Variants in CAMTA1 observed in about 807,000 individuals in gnomAD.
CAMTA1 encodes the protein calmodulin-binding transcription activator 1.
CAMTA1 carries 27 observed loss-of-function variants against 170.9 expected under a neutral mutation model. The observed-to-expected ratio is 0.16, with a 90% confidence interval of 0.12 to 0.22. The LOEUF (loss-of-function observed/expected upper bound fraction) is 0.22, where lower values mean the gene tolerates loss of function less well. Among genes scored for constraint, CAMTA1 ranks in the 10% least tolerant of loss-of-function variants. The pLI, the probability that CAMTA1 is intolerant of heterozygous loss-of-function variation, is 1.00. For missense variants in CAMTA1, 1,619 were observed against 2,217.2 expected, an observed-to-expected ratio of 0.73 and a Z score of 5.42; for synonymous variants, 833 against 891.5, an observed-to-expected ratio of 0.93 and a Z score of 1.17.
At chr1:6,982,697 A>G (rs6703004) in intron 3 of CAMTA1, among the ~76,000 whole-genome samples, 61,066 of 151,976 alleles carry the variant, frequency 0.4, 13,038 homozygotes, top group African/African-American at 0.56. Flanking sequence ...CATGGCTTTA[A>G]GCTCCTCAGT....
chr1:7,270,286 TATATA>T (rs1669572103), intron 5 of CAMTA1, among the ~76,000 whole-genome samples: 11 of 122,320 alleles, frequency 9.0e-5, no homozygotes, highest in African/African-American at 3.4e-4. Flanking sequence ...TATATATATA[TATATA>T]TTTTTTTTTT....
intron 5 of CAMTA1, among the ~76,000 whole-genome samples, chr1:7,317,790 A>G (rs1483277477): frequency 1.3e-5 from 2 of 152,236 alleles, no homozygotes; most frequent in Non-Finnish European, 2.9e-5. Flanking sequence ...CATAAGTTTC[A>G]AAACTCTTTT....
chr1:7,688,099 C>A (rs1485102214), intron 11 of CAMTA1, among the ~76,000 whole-genome samples: 1 of 148,108 alleles, frequency 6.8e-6, no homozygotes, highest in Admixed American at 6.8e-5. Context: ...GCCTCTGCCT[C>A]CTGGGTTCAG....
intron 5 of CAMTA1, among the ~76,000 whole-genome samples, chr1:7,254,663 T>TA (rs61056446): frequency 0.12 from 17,281 of 148,314 alleles, 2,608 homozygotes; most frequent in African/African-American, 0.34. Context: ...AGGCCACATA[T>TA]AAAAAAAAAA....
In CAMTA1 at chr1:7,665,247, C is replaced by G; in HGVS notation, c.2652+48C>G. ...ACCTGTCACCTCCCCTCCCACCCAC[C>G]TCGCCAGCCCCTGCGCCACCCTGCA... is the stretch of plus-strand genomic sequence containing the variant. On this transcript the variant is annotated intron_variant, in intron 9 of 22. Transcript: ENST00000303635. The surrounding 1 kb of genome is among the most constrained non-coding windows in gnomAD (Gnocchi z 4.3). 2 of 1,407,430 alleles carry G rather than the reference C, an allele frequency of 1.4e-6. No individual in the cohort carries two copies. The highest frequency in any genetic ancestry group is 1.9e-6 in the Non-Finnish European group (2 of 1,079,920). The allele number at this position is 1,407,430 out of a possible 1,614,324, so 87.2% of individuals were successfully genotyped here. A position where few individuals can be genotyped will look rare whatever the true frequency, so the allele number is the denominator to read the frequency against.
At chr1:7,155,344 T>C (rs1384670486) in intron 4 of CAMTA1, among the ~76,000 whole-genome samples, 3 of 118,562 alleles carry the variant, frequency 2.5e-5, no homozygotes, top group African/African-American at 1.0e-4. Flanking sequence ...GGAGGGAGCC[T>C]GTGGGAGGGA....
At chr1:6,853,596 A>G (rs1661211109) in intron 3 of CAMTA1, among the ~76,000 whole-genome samples, 1 of 152,202 alleles carries the variant, frequency 6.6e-6, no homozygotes, top group African/African-American at 2.4e-5. Context: ...ATCAGTAATT[A>G]TATTAAATAA....
At chr1:7,583,376 T>A (rs1017175390) in intron 6 of CAMTA1, among the ~76,000 whole-genome samples, 1 of 152,124 alleles carries the variant, frequency 6.6e-6, no homozygotes, top group Non-Finnish European at 1.5e-5. Context: ...CACTGTGGGC[T>A]GCAGGGTACT....
At chr1:6,895,971 C>T (rs1675580961) in intron 3 of CAMTA1, among the ~76,000 whole-genome samples, 1 of 152,132 alleles carries the variant, frequency 6.6e-6, no homozygotes, top group Non-Finnish European at 1.5e-5. Flanking sequence ...CAGCTATGTT[C>T]TGAGTAGTTA....
At chr1:7,353,398 C>A (rs1325690476) in intron 5 of CAMTA1, among the ~76,000 whole-genome samples, 1 of 150,598 alleles carries the variant, frequency 6.6e-6, no homozygotes, top group South Asian at 2.1e-4. Flanking sequence ...TTAATACAAC[C>A]AAATCTGAAC....
chr1:7,357,886 C>T (rs773913578), intron 5 of CAMTA1, among the ~76,000 whole-genome samples: 17 of 152,178 alleles, frequency 1.1e-4, no homozygotes, highest in Non-Finnish European at 2.2e-4. Flanking sequence ...TCCCTGTCCC[C>T]ACCTGGAATG....
chr1:6,883,017 C>T (rs568032025), intron 3 of CAMTA1, among the ~76,000 whole-genome samples: 1 of 152,298 alleles, frequency 6.6e-6, no homozygotes, highest in South Asian at 2.1e-4. Flanking sequence ...TTGCCTCAGC[C>T]TCCCAAGCTG....
At chr1:7,320,098 TTC>T (rs1049335807) in intron 5 of CAMTA1, among the ~76,000 whole-genome samples, 3 of 152,346 alleles carry the variant, frequency 2.0e-5, no homozygotes, top group African/African-American at 7.2e-5. Flanking sequence ...TGATTTCTTT[TTC>T]TTGCTTTATT....
In CAMTA1 at chr1:7,427,515, A is replaced by G. The variant is rs530795987; in HGVS notation, c.439-40315A>G. 1.5e-4 allele frequency among the ~76,000 whole-genome samples: 23 copies of G among 152,314 alleles called. 1 individual carries two copies. In the South Asian group the frequency reaches 4.1e-3, roughly 27 times the overall value. On this transcript the variant is annotated intron_variant, in intron 5 of 22. Transcript: ENST00000303635. ...TGAAGATTTAGTACGGGGCTACACA[A>G]TAATTTGCTATAAGCTGTATAAATA...
chr1:7,745,110 G>A (rs886375929), intron 17 of CAMTA1, 88 bp downstream of exon 17: 34 of 1,263,634 alleles, frequency 2.7e-5, no homozygotes, highest in South Asian at 2.4e-4. Flanking sequence ...GATGAATGCC[G>A]TGTCATAGAA....
At position 7,456,091 on chromosome 1, in the gene CAMTA1, AT is replaced by A. The variant is rs2092945386; in HGVS notation, c.439-11738del. 1.3e-5 allele frequency among the ~76,000 whole-genome samples: 2 copies of A among 151,748 alleles called. No individual in the cohort carries two copies. Among genetic ancestry groups the A allele is most frequent in the South Asian group, 4.2e-4 (2 of 4,804 alleles). On this transcript the variant is annotated intron_variant, in intron 5 of 22. Transcript: ENST00000303635. This position sits in a 1 kb window ranked among gnomAD's most constrained non-coding sequence, Gnocchi z 4.9. ...AGCTACTTGCAGGCATTCGTCAGAG[AT>A]CCCTTGTGCTTAATGCAGGCAGACC... is the stretch of plus-strand genomic sequence containing the variant.
intron 3 of CAMTA1, among the ~76,000 whole-genome samples, chr1:6,828,975 CA>C (rs1389597060): frequency 1.3e-5 from 2 of 149,288 alleles, no homozygotes; most frequent in Non-Finnish European, 3.0e-5. Context: ...CAGCTCCCTG[CA>C]ACCTCCACCC....
chr1:7,356,977 T>C (rs1193924265), intron 5 of CAMTA1, among the ~76,000 whole-genome samples: 1 of 152,202 alleles, frequency 6.6e-6, no homozygotes, highest in Admixed American at 6.5e-5. Flanking sequence ...CTCAGCTCCC[T>C]TCCCCCCTTC....
At chr1:7,038,051 A>G (rs1349175956) in intron 3 of CAMTA1, among the ~76,000 whole-genome samples, 4 of 152,098 alleles carry the variant, frequency 2.6e-5, no homozygotes, top group Non-Finnish European at 5.9e-5. Flanking sequence ...TCAACTATAA[A>G]ATGAGGCTAC....
Sources: gnomAD v4.1 joint callset for allele counts (sites outside exome capture counted in the v4.1 genomes callset) on GRCh38, gnomAD v4.1.1 for gene constraint, Gnocchi (gnomAD v3.1) non-coding constraint, MANE v1.5 for transcripts, NCBI Gene and HGNC (gene_info 2026-07-23, HGNC 2026-07-21) for gene names.